The following GTSF1 variants were observed in gnomAD, a reference collection of about 807,000 sequenced individuals.
GTSF1 encodes the protein gametocyte-specific factor 1.
Under a neutral mutation model 28.9 loss-of-function variants are expected in GTSF1, and 11 were observed. The ratio of observed to expected loss-of-function variants is 0.38; its 90% CI spans 0.24 to 0.63. GTSF1 has a LOEUF of 0.63. Among genes scored for constraint, GTSF1 ranks in the 30% least tolerant of loss-of-function variants. The probability of loss-of-function intolerance (pLI) is 0.56; values close to 1 mark genes in which losing one functional copy is unlikely to be tolerated. For synonymous variants in GTSF1, 69 were observed against 65.6 expected, an observed-to-expected ratio of 1.05 and a Z score of -0.25; for missense variants, 146 against 201.0, an observed-to-expected ratio of 0.73 and a Z score of 1.66.
intron 7 of GTSF1, among the ~76,000 whole-genome samples, chr12:54,460,133 C>G (rs1444740036): frequency 6.6e-6 from 1 of 152,096 alleles, no homozygotes; most frequent in African/African-American, 2.4e-5. Flanking sequence ...CAGTGGTCAC[C>G]CCATTTTGAA....
rs60381919 is a variant in GTSF1, at chr12:54,465,947, T to C, written c.17-780A>G. 6.7e-3 allele frequency among the ~76,000 whole-genome samples: 1,013 copies of C among 152,262 alleles called. 12 individuals are homozygous for C. The highest frequency in any genetic ancestry group is 0.023 in the African/African-American group (949 of 41,542). ...TTTACTTTTCATATTTTGGAACACATGTGAGAACAAAACAGAGAATTCTTT... is the reference window on the plus strand; with the variant it reads ...TTTACTTTTCATATTTTGGAACACACGTGAGAACAAAACAGAGAATTCTTT... On this transcript the variant is annotated intron_variant, in intron 2 of 8. Coordinates refer to ENST00000305879, the MANE Select transcript of GTSF1 (RefSeq NM_144594.3).
At chr12:54,462,897 A>G (rs1956447575) in intron 4 of GTSF1, among the ~76,000 whole-genome samples, 172 bp from the exon 5 acceptor site, 1 of 152,264 alleles carries the variant, frequency 6.6e-6, no homozygotes, top group Admixed American at 6.5e-5. Flanking sequence ...CAGAAGAAAG[A>G]AAAGCAGAAA....
intron 2 of GTSF1, among the ~76,000 whole-genome samples, 179 bp from the exon 3 acceptor site, chr12:54,465,346 A>T (rs1956494708): frequency 6.6e-6 from 1 of 152,220 alleles, no homozygotes; most frequent in East Asian, 1.9e-4. Context: ...GAATCTTAGT[A>T]AGTTCAGCAG....
intron 2 of GTSF1, among the ~76,000 whole-genome samples, chr12:54,466,650 G>A (rs900925545): frequency 3.3e-5 from 5 of 152,080 alleles, no homozygotes; most frequent in Non-Finnish European, 7.4e-5. Flanking sequence ...CTGATAGACT[G>A]GATGGTACCT....
Position 54,465,168 on chromosome 12 carries a change from C to G in GTSF1, c.17-1G>C. ...AGCTTCTCAGGGTCCAGGGAGTCGGCTGAAAGACAGAAGTGTTTCAGTAGG... is the reference window on the plus strand; with the variant it reads ...AGCTTCTCAGGGTCCAGGGAGTCGGGTGAAAGACAGAAGTGTTTCAGTAGG... On this transcript the variant is annotated splice_acceptor_variant, in intron 2 of 8. Coordinates refer to ENST00000305879, the MANE Select transcript of GTSF1 (RefSeq NM_144594.3). LOFTEE classifies it high-confidence loss of function. 6.2e-7 allele frequency: 1 copy of G among 1,609,796 alleles called. No individual in the cohort carries two copies. The highest frequency in any genetic ancestry group is 8.5e-7 in the Non-Finnish European group (1 of 1,176,428).
intron 4 of GTSF1, 65 bp downstream of exon 4, chr12:54,463,106 T>C: frequency 1.3e-6 from 2 of 1,522,448 alleles, no homozygotes; most frequent in South Asian, 2.4e-5. Flanking sequence ...GCTGACAATC[T>C]AGCATAATAC....
Position 54,456,092 on chromosome 12 carries a change from T to G in GTSF1, c.*82A>C, listed in dbSNP as rs1795839. On this transcript the variant is annotated 3_prime_UTR_variant, in exon 9 of 9. Transcript: ENST00000305879. ...GGGAGTTTACCATTCTATAATTAGA[T>G]TAGGAGGAAAATGAGAACCCACTGG... The G allele has an allele frequency of 0.14, 20,647 of 152,496 alleles. 1,868 individuals carry two copies. Among genetic ancestry groups the G allele is most frequent in the African/African-American group, 0.24 (9,833 of 41,442 alleles). The allele number at this position is 152,496 out of a possible 1,614,324, so 9.4% of individuals were successfully genotyped here.
chr12:54,459,094 G>A lies in GTSF1; in HGVS notation c.*15C>T, dbSNP rs1956378707. 2 of 1,597,042 alleles carry A rather than the reference G, an allele frequency of 1.3e-6. No homozygotes were observed. The highest frequency in any genetic ancestry group is 1.3e-5 in the African/African-American group (1 of 74,634). On this transcript the variant is annotated 3_prime_UTR_variant, in exon 8 of 9. Coordinates refer to ENST00000305879, the MANE Select transcript of GTSF1 (RefSeq NM_144594.3). ...AATAAAACTGAAACACTTACTTGAT[G>A]AGATAGGTATTCAGTTACTGTGCAT...
chr12:54,470,914 A>T (rs999421276), intron 2 of GTSF1, among the ~76,000 whole-genome samples: 2 of 152,194 alleles, frequency 1.3e-5, no homozygotes, highest in African/African-American at 4.8e-5. Context: ...GTACATCAAC[A>T]TTATTATATA....
intron 4 of GTSF1, among the ~76,000 whole-genome samples, 187 bp downstream of exon 4, chr12:54,462,984 C>G (rs1179590100): frequency 6.6e-6 from 1 of 152,124 alleles, no homozygotes; most frequent in African/African-American, 2.4e-5. Flanking sequence ...CCAGGCTGTT[C>G]AGGAGAGAAA....
At chr12:54,469,831 C>T (rs543771201) in intron 2 of GTSF1, among the ~76,000 whole-genome samples, 1 of 151,604 alleles carries the variant, frequency 6.6e-6, no homozygotes, top group South Asian at 2.1e-4. Flanking sequence ...TGGGATTACA[C>T]GCATGAGCCA....
At chr12:54,462,971 G>C (rs779014350) in intron 4 of GTSF1, among the ~76,000 whole-genome samples, 200 bp downstream of exon 4, 6 of 152,188 alleles carry the variant, frequency 3.9e-5, no homozygotes, top group Admixed American at 1.3e-4. Flanking sequence ...TTAGTAAAAT[G>C]AACCAGGCTG....
intron 6 of GTSF1, 74 bp downstream of exon 6, chr12:54,462,035 C>G: frequency 9.3e-7 from 1 of 1,075,096 alleles, no homozygotes; most frequent in South Asian, 1.3e-5. Flanking sequence ...TCAATTCATG[C>G]TCCGGTGGCT....
At chr12:54,466,841 A>T (rs1201305281) in intron 2 of GTSF1, 3 of 107,480 alleles carry the variant, frequency 2.8e-5, no homozygotes, top group Non-Finnish European at 3.7e-5. Context: ...TTTTTGACAG[A>T]GTCTTATTCT....
chr12:54,472,523 C>A (rs1956605690), intron 1 of GTSF1: 1 of 152,176 alleles, frequency 6.6e-6, no homozygotes, highest in South Asian at 2.1e-4. Context: ...GAATCCTTTT[C>A]TATTAGAAAT....
chr12:54,463,614 C>G (rs781686942), intron 3 of GTSF1, among the ~76,000 whole-genome samples: 7 of 152,162 alleles, frequency 4.6e-5, no homozygotes, highest in Non-Finnish European at 8.8e-5. Context: ...TTCTCAGAGT[C>G]ACATGATTCA....
intron 5 of GTSF1, 58 bp from the exon 6 acceptor site, chr12:54,462,230 A>C: frequency 7.4e-6 from 9 of 1,224,000 alleles, no homozygotes; most frequent in South Asian, 1.2e-5. Flanking sequence ...CCAGCAGTTC[A>C]TGTTGGTTGA....
intron 7 of GTSF1, 126 bp from the exon 8 acceptor site, chr12:54,459,251 T>C: frequency 7.0e-7 from 1 of 1,421,832 alleles, no homozygotes; most frequent in Non-Finnish European, 9.3e-7. Flanking sequence ...AGTAGAAGAA[T>C]TTAATATTAG....
chr12:54,464,122 G>A (rs1956471346), intron 3 of GTSF1, among the ~76,000 whole-genome samples: 1 of 152,150 alleles, frequency 6.6e-6, no homozygotes, highest in South Asian at 2.1e-4. Flanking sequence ...AGGCATCGCC[G>A]TCATTTTCAT....
Sources: allele counts gnomAD v4.1 joint callset (sites outside exome capture counted in the v4.1 genomes callset), GRCh38; gene constraint gnomAD v4.1.1; transcripts MANE v1.5; gene names NCBI Gene and HGNC (gene_info 2026-07-23, HGNC 2026-07-21).